The following PON3 variants were observed in gnomAD, a reference collection of about 807,000 sequenced individuals.
The protein encoded by PON3 is paraoxonase 3.
In PON3, 37 loss-of-function variants were observed where a neutral mutation model predicts 36.3. The observed-to-expected ratio is 1.02, with a 90% CI of 0.78 to 1.34. The LOEUF is 1.34. PON3 is among the 40% of genes most tolerant of loss of function. The pLI, the probability that PON3 is intolerant of heterozygous loss-of-function variation, is 0.00. For synonymous variants in PON3, 155 were observed against 154.8 expected (o/e 1.00, Z -0.01); for missense variants, 415 against 426.5 (o/e 0.97, Z 0.24).
At position 95,390,151 on chromosome 7, in the gene PON3, C is replaced by G; in HGVS notation, c.201+3G>C. The G allele has an allele frequency of 1.9e-6, 3 of 1,602,752 alleles. No individual in the cohort carries two copies. Among genetic ancestry groups the G allele is most frequent in the Non-Finnish European group, 2.6e-6 (3 of 1,169,680 alleles). On this transcript the variant is annotated splice_donor_region_variant and intron_variant, in intron 3 of 8. Transcript: ENST00000265627. ...GCATGAGAGCAGCATGGAAAATACT[C>G]ACACTGGAGATAAAAGCCAGCCCAC... is the stretch of plus-strand genomic sequence containing the variant.
At chr7:95,365,351 T>G (rs1202337378) in intron 5 of PON3, 1 of 152,300 alleles carries the variant, frequency 6.6e-6, no homozygotes, top group East Asian at 1.9e-4. Context: ...GATTTCATGT[T>G]GACATTGAGT....
At chr7:95,392,201 C>T (rs935081302) in intron 2 of PON3, among the ~76,000 whole-genome samples, 1 of 152,192 alleles carries the variant, frequency 6.6e-6, no homozygotes, top group African/African-American at 2.4e-5. Context: ...ACACATGACC[C>T]ATCATCATTC....
At chr7:95,369,573 G>A (rs1351533509) in intron 4 of PON3, among the ~76,000 whole-genome samples, 1 of 152,074 alleles carries the variant, frequency 6.6e-6, no homozygotes, top group East Asian at 1.9e-4. Flanking sequence ...TCAGAAGTTC[G>A]AGACCAGCCT....
intron 3 of PON3, among the ~76,000 whole-genome samples, chr7:95,388,159 T>C (rs1408109750): frequency 2.0e-5 from 3 of 152,036 alleles, no homozygotes; most frequent in Non-Finnish European, 4.4e-5. Context: ...AGGTAGCCTA[T>C]GGAATGGGAG....
intron 6 of PON3, 33 bp downstream of exon 6, chr7:95,363,830 G>C: frequency 6.3e-7 from 1 of 1,590,442 alleles, no homozygotes; most frequent in Non-Finnish European, 8.6e-7. Flanking sequence ...AATGTCAAGG[G>C]CAAAGGATAG....
At chr7:95,369,684 G>A (rs567729912) in intron 4 of PON3, among the ~76,000 whole-genome samples, 4 of 152,176 alleles carry the variant, frequency 2.6e-5, no homozygotes, top group African/African-American at 9.7e-5. Flanking sequence ...GCTGAGGCAT[G>A]AGAATTGCTT....
At chr7:95,382,938 A>T (rs941011077) in intron 3 of PON3, among the ~76,000 whole-genome samples, 9 of 152,228 alleles carry the variant, frequency 5.9e-5, no homozygotes, top group Admixed American at 2.0e-4. Context: ...ATGAACATTG[A>T]TGTGAAAATC....
intron 2 of PON3, among the ~76,000 whole-genome samples, chr7:95,391,724 C>T (rs1199120658): frequency 6.6e-6 from 1 of 152,214 alleles, no homozygotes; most frequent in African/African-American, 2.4e-5. Flanking sequence ...CTCTACTCCT[C>T]AACCAGTTGT....
chr7:95,385,732 C>A (rs1809174968), intron 3 of PON3, among the ~76,000 whole-genome samples: 1 of 152,156 alleles, frequency 6.6e-6, no homozygotes, highest in Non-Finnish European at 1.5e-5. Flanking sequence ...GACCACAGTG[C>A]AATCAAATTA....
chr7:95,369,572 C>T lies in PON3; in HGVS notation c.368-2084G>A, dbSNP rs965027534. On this transcript the variant is annotated intron_variant, in intron 4 of 8. Coordinates refer to ENST00000265627, the MANE Select transcript of PON3 (RefSeq NM_000940.3). ...GGTGGATCACCTGAGGTCAGAAGTT[C>T]GAGACCAGCCTGGCCAACATGGTGA... is the stretch of plus-strand genomic sequence containing the variant. 1.6e-4 allele frequency among the ~76,000 whole-genome samples: 24 copies of T among 152,142 alleles called. 1 individual carries two copies. The highest frequency in any genetic ancestry group is 4.1e-4 in the African/African-American group (17 of 41,506).
At chr7:95,386,696 C>T (rs1405029036) in intron 3 of PON3, among the ~76,000 whole-genome samples, 2 of 152,078 alleles carry the variant, frequency 1.3e-5, no homozygotes, top group Non-Finnish European at 2.9e-5. Flanking sequence ...AATTTTAGGC[C>T]AATAACCCTG....
At chr7:95,381,417 A>G (rs1260524189) in intron 3 of PON3, among the ~76,000 whole-genome samples, 1 of 152,236 alleles carries the variant, frequency 6.6e-6, no homozygotes, top group African/African-American at 2.4e-5. Context: ...CAAATTGGAT[A>G]AAGAGTCAAG....
chr7:95,367,563 G>A, intron 4 of PON3, 75 bp from the exon 5 acceptor site: 1 of 1,537,362 alleles, frequency 6.5e-7, no homozygotes, highest in Non-Finnish European at 8.9e-7. Context: ...TTTAAAACTT[G>A]GTCACTTCCA....
intron 3 of PON3, 127 bp downstream of exon 3, chr7:95,390,027 G>C (rs1809284219): frequency 9.6e-7 from 1 of 1,039,664 alleles, no homozygotes; most frequent in African/African-American, 1.6e-5. Context: ...GGCTTTTTTA[G>C]TTGACTGGTT....
chr7:95,387,816 A>C (rs922724375), intron 3 of PON3, among the ~76,000 whole-genome samples: 3 of 152,226 alleles, frequency 2.0e-5, no homozygotes, highest in Admixed American at 6.5e-5. Context: ...CAGAAGCCTC[A>C]GAAATAACAC....
rs756076738 is a variant in PON3, at chr7:95,360,132, C to G, written c.907-1G>C. On this transcript the variant is annotated splice_acceptor_variant, in intron 8 of 8. Coordinates refer to ENST00000265627, the MANE Select transcript of PON3 (RefSeq NM_000940.3). LOFTEE classifies it high-confidence loss of function. ...ACAAAACATTCTGGATGCGAAGTAC[C>G]TGTCGAGAAAAGATCGTTTATTAGT... 2 of 1,612,416 alleles carry G rather than the reference C, an allele frequency of 1.2e-6. No individual in the cohort carries two copies. Among genetic ancestry groups the G allele is most frequent in the African/African-American group, 1.3e-5 (1 of 74,976 alleles).
intron 5 of PON3, among the ~76,000 whole-genome samples, 157 bp downstream of exon 5, chr7:95,367,205 G>A (rs905503598): frequency 2.6e-5 from 4 of 152,138 alleles, no homozygotes; most frequent in African/African-American, 4.8e-5. Flanking sequence ...CTAGTGAGGC[G>A]CTGGGAAGAG....
At chr7:95,390,749 A>T (rs10487131) in intron 2 of PON3, among the ~76,000 whole-genome samples, 28,123 of 152,190 alleles carry the variant, frequency 0.18, 3,580 homozygotes, top group East Asian at 0.59. Context: ...TTAATATGAA[A>T]GTTTAGTTAG....
At chr7:95,390,941 C>A (rs1263999503) in intron 2 of PON3, among the ~76,000 whole-genome samples, 1 of 152,166 alleles carries the variant, frequency 6.6e-6, no homozygotes, top group Non-Finnish European at 1.5e-5. Flanking sequence ...CCCAGGATAC[C>A]TTCCTCTGAG....
Sources: allele counts gnomAD v4.1 joint callset (sites outside exome capture counted in the v4.1 genomes callset), GRCh38; gene constraint gnomAD v4.1.1; transcripts MANE v1.5; gene names NCBI Gene and HGNC (gene_info 2026-07-23, HGNC 2026-07-21).